The following CLEC2L variants were observed in gnomAD, a reference collection of about 807,000 sequenced individuals.
CLEC2L encodes the protein C-type lectin domain family 2, member L.
Under a neutral mutation model 23.6 loss-of-function variants are expected in CLEC2L, and 14 were observed. The observed-to-expected ratio is 0.59, with a 90% confidence interval of 0.39 to 0.93. The LOEUF (loss-of-function observed/expected upper bound fraction) is 0.93, where lower values mean the gene tolerates loss of function less well. Among genes scored for constraint, CLEC2L ranks in the 40% least tolerant of loss-of-function variants. The pLI is 0.00. For synonymous variants in CLEC2L, 114 were observed against 121.3 expected, an observed-to-expected ratio of 0.94 and a Z score of 0.40; for missense variants, 264 against 282.4, an observed-to-expected ratio of 0.93 and a Z score of 0.47.
In CLEC2L at chr7:139,544,220, C is replaced by G; in HGVS notation, c.534-11C>G. The G allele has an allele frequency of 6.2e-7, 1 of 1,605,644 alleles. No individual in the cohort carries two copies. ...AGATCATAAACGCCTGGTCTTCTCT[C>G]CTGGCCACAGGTTCACCATCGCAGG... On this transcript the variant is annotated splice_polypyrimidine_tract_variant and intron_variant, in intron 4 of 4. Transcript: ENST00000422142.
In CLEC2L at chr7:139,539,554, A is replaced by T. The variant is rs2116323833; in HGVS notation, c.266-767A>T. The T allele has an allele frequency of 6.6e-6, 1 of 152,408 alleles. No homozygotes were observed. Among genetic ancestry groups the T allele is most frequent in the East Asian group, 1.9e-4 (1 of 5,182 alleles). The allele number at this position is 152,408 out of a possible 1,614,324, so 9.4% of individuals were successfully genotyped here. The stretch of plus-strand genomic sequence containing the variant: ...ACGACTGGAAGACAGCATGGTGGTC[A>T]CTGTTGCTGCTGGTAGAGCCACATC... On this transcript the variant is annotated intron_variant, in intron 2 of 4. Transcript: ENST00000422142. This position sits in a 1 kb window ranked among gnomAD's most constrained non-coding sequence, Gnocchi z 4.1.
intron 1 of CLEC2L, among the ~76,000 whole-genome samples, chr7:139,531,761 T>A (rs1797585740): frequency 6.6e-6 from 1 of 151,812 alleles, no homozygotes; most frequent in Non-Finnish European, 1.5e-5. Context: ...ATACAAAAAA[T>A]TAGCCAGGTG....
At chr7:139,537,576 T>C (rs192713967) in intron 2 of CLEC2L, among the ~76,000 whole-genome samples, 5 of 152,194 alleles carry the variant, frequency 3.3e-5, no homozygotes. Context: ...GAGTCACTCT[T>C]CCCTCCCTGG....
intron 1 of CLEC2L, among the ~76,000 whole-genome samples, chr7:139,527,686 C>T (rs1336828492): frequency 6.6e-6 from 1 of 152,022 alleles, no homozygotes; most frequent in Non-Finnish European, 1.5e-5. Flanking sequence ...GGCAGAGTGG[C>T]CTGGGGGTAT....
At chr7:139,541,712 G>T (rs970289739) in intron 3 of CLEC2L, among the ~76,000 whole-genome samples, 19 of 152,234 alleles carry the variant, frequency 1.2e-4, no homozygotes. Context: ...GTCCTGCTGA[G>T]CCAGGAGGAC....
intron 3 of CLEC2L, 98 bp from the exon 4 acceptor site, chr7:139,541,923 C>T: frequency 5.0e-6 from 4 of 804,152 alleles, no homozygotes; most frequent in East Asian, 2.7e-5. Flanking sequence ...CTGTACATCC[C>T]GAGAGCCAGT....
chr7:139,528,629 C>T (rs1044441540), intron 1 of CLEC2L, among the ~76,000 whole-genome samples: 1 of 152,176 alleles, frequency 6.6e-6, no homozygotes, highest in African/African-American at 2.4e-5. Flanking sequence ...CCAGTCCCTC[C>T]CATGACACAT....
intron 2 of CLEC2L, among the ~76,000 whole-genome samples, chr7:139,537,000 A>AAG (rs1797668761): frequency 6.6e-6 from 1 of 150,516 alleles, no homozygotes; most frequent in Non-Finnish European, 1.5e-5. Flanking sequence ...AAAAAAAAAA[A>AAG]GATCACATTC....
rs1292645084 is a variant in CLEC2L at position 139,539,811 on chromosome 7, A to C, written c.266-510A>C. The C allele has an allele frequency of 3.1e-5, 5 of 160,106 alleles. No homozygotes were observed. The highest frequency in any genetic ancestry group is 6.9e-5 in the Non-Finnish European group (5 of 72,948). The allele number at this position is 160,106 out of a possible 1,614,324, so 9.9% of individuals were successfully genotyped here. A position where few individuals can be genotyped will look rare whatever the true frequency, so the allele number is the denominator to read the frequency against. ...ACCAGCAGGTCTAGGTCACAGGGGG[A>C]CAGGTTGGGACTCAACATTTAAGAA... On this transcript the variant is annotated intron_variant, in intron 2 of 4. Coordinates refer to ENST00000422142, the MANE Select transcript of CLEC2L (RefSeq NM_001080511.4). This position sits in a 1 kb window ranked among gnomAD's most constrained non-coding sequence, Gnocchi z 4.1.
In CLEC2L at chr7:139,544,498, C is replaced by G. The variant is rs61731843; in HGVS notation, c.*156C>G. 8.3e-3 allele frequency: 5,030 copies of G among 603,984 alleles called. 209 individuals are homozygous for G. In the African/African-American group the frequency reaches 0.083, roughly 10 times the overall value. 37.4% of individuals were successfully genotyped at this position (603,984 alleles called of 1,614,324 possible). A position where few individuals can be genotyped will look rare whatever the true frequency, so the allele number is the denominator to read the frequency against. On this transcript the variant is annotated 3_prime_UTR_variant, in exon 5 of 5. Transcript: ENST00000422142. ...GGCCCCTCTCCCAGGCCCTGGCGCTCTGAGTCCCTGGTTCCTGGCCTCCTT... is the reference window on the plus strand; with the variant it reads ...GGCCCCTCTCCCAGGCCCTGGCGCTGTGAGTCCCTGGTTCCTGGCCTCCTT...
chr7:139,537,922 C>A (rs1797682161), intron 2 of CLEC2L, among the ~76,000 whole-genome samples: 1 of 152,160 alleles, frequency 6.6e-6, no homozygotes, highest in Admixed American at 6.5e-5. Context: ...AACAGGGAAT[C>A]TGATTACTTT....
At chr7:139,543,625 G>A (rs903563578) in intron 4 of CLEC2L, among the ~76,000 whole-genome samples, 1 of 152,220 alleles carries the variant, frequency 6.6e-6, no homozygotes, top group Non-Finnish European at 1.5e-5. Context: ...CCATCTGTGT[G>A]TGATGTCAAT....
At chr7:139,526,725 C>T (rs1277952629) in intron 1 of CLEC2L, among the ~76,000 whole-genome samples, 1 of 152,204 alleles carries the variant, frequency 6.6e-6, no homozygotes, top group African/African-American at 2.4e-5. Context: ...ATTTCTACCT[C>T]TCAGGTAGAC....
rs946475231 is a variant in CLEC2L at position 139,539,980 on chromosome 7, T to C, written c.266-341T>C. 2.3e-4 allele frequency: 67 copies of C among 291,376 alleles called. No individual in the cohort carries two copies. The highest frequency in any genetic ancestry group is 1.2e-3 in the African/African-American group (56 of 46,106). The allele number at this position is 291,376 out of a possible 1,614,324, so 18.0% of individuals were successfully genotyped here. On this transcript the variant is annotated intron_variant, in intron 2 of 4. Transcript: ENST00000422142. This position sits in a 1 kb window ranked among gnomAD's most constrained non-coding sequence, Gnocchi z 4.1. ...GGCAGTCTGTCCTGCTGTTGGTACC[T>C]GGCCTAGCTGGAAGGAGAGGACACA...
chr7:139,541,138 C>T (rs1797729454), intron 3 of CLEC2L, among the ~76,000 whole-genome samples: 1 of 151,972 alleles, frequency 6.6e-6, no homozygotes, highest in Admixed American at 6.6e-5. Context: ...CCTCCTGAGT[C>T]GCTGGGACTG....
intron 1 of CLEC2L, among the ~76,000 whole-genome samples, chr7:139,535,909 G>A (rs1797647083): frequency 1.3e-5 from 2 of 152,256 alleles, no homozygotes; most frequent in African/African-American, 4.8e-5. Flanking sequence ...TAGCCCCCCG[G>A]CAGGGAGGGT....
intron 3 of CLEC2L, among the ~76,000 whole-genome samples, chr7:139,541,764 G>A (rs1308195118): frequency 6.6e-6 from 1 of 152,202 alleles, no homozygotes; most frequent in Non-Finnish European, 1.5e-5. Context: ...TGCACACACA[G>A]CCAGGGTCCC....
At chr7:139,534,568 C>G (rs1275354717) in intron 1 of CLEC2L, 1 of 740,192 alleles carries the variant, frequency 1.4e-6, no homozygotes, top group African/African-American at 1.7e-5. Flanking sequence ...GTATTGGAAG[C>G]ATTAGGGGGG....
Position 139,523,818 on chromosome 7 carries a change from C to T in CLEC2L, c.-110C>T, listed in dbSNP as rs1797464178. 1.4e-6 allele frequency: 1 copy of T among 715,198 alleles called. No homozygotes were observed. The highest frequency in any genetic ancestry group is 6.4e-5 in the Admixed American group (1 of 15,562). 44.3% of individuals were successfully genotyped at this position (715,198 alleles called of 1,614,324 possible). On this transcript the variant is annotated 5_prime_UTR_variant, in exon 1 of 5. Transcript: ENST00000422142. The surrounding 1 kb of genome is among the most constrained non-coding windows in gnomAD (Gnocchi z 4.1). ...TGCCAGCGCCGCGGTCCTAGCCCACCCGAGGCCGGCCTGGGGGGCCCGCAG... is the reference window on the plus strand; with the variant it reads ...TGCCAGCGCCGCGGTCCTAGCCCACTCGAGGCCGGCCTGGGGGGCCCGCAG...
Sources: gnomAD v4.1 joint callset for allele counts (sites outside exome capture counted in the v4.1 genomes callset) on GRCh38, gnomAD v4.1.1 for gene constraint, Gnocchi (gnomAD v3.1) non-coding constraint, MANE v1.5 for transcripts, NCBI Gene and HGNC (gene_info 2026-07-23, HGNC 2026-07-21) for gene names.